The following NAALADL2 variants were observed in gnomAD, a reference collection of about 807,000 sequenced individuals.
The protein encoded by NAALADL2 is N-acetylated alpha-linked acidic dipeptidase like 2.
Under a neutral mutation model 87.2 loss-of-function variants are expected in NAALADL2, and 76 were observed. The observed-to-expected ratio is 0.87, with a 90% CI of 0.72 to 1.05. The LOEUF (loss-of-function observed/expected upper bound fraction) is 1.05, where lower values mean the gene tolerates loss of function less well. Among genes scored for constraint, NAALADL2 ranks in the 50% least tolerant of loss-of-function variants. The pLI is 0.00. For missense variants in NAALADL2, 1,089 were observed against 945.8 expected, an observed-to-expected ratio of 1.15 and a Z score of -1.99; for synonymous variants, 354 against 331.0, an observed-to-expected ratio of 1.07 and a Z score of -0.75.
intron 1 of NAALADL2, among the ~76,000 whole-genome samples, chr3:174,501,546 AG>A: frequency 6.6e-6 from 1 of 152,128 alleles, no homozygotes; most frequent in Non-Finnish European, 1.5e-5. Flanking sequence ...TTGTGGGAAG[AG>A]TTTTAACTAC....
intron 1 of NAALADL2, among the ~76,000 whole-genome samples, chr3:174,895,079 G>GA (rs1239377090): frequency 6.6e-6 from 1 of 151,824 alleles, no homozygotes; most frequent in African/African-American, 2.4e-5. Flanking sequence ...CAAAAAAGAG[G>GA]AAAAACTTTA....
intron 1 of NAALADL2, among the ~76,000 whole-genome samples, chr3:174,449,463 AAT>A (rs1261245223): frequency 1.3e-5 from 2 of 152,204 alleles, no homozygotes; most frequent in Non-Finnish European, 2.9e-5. Flanking sequence ...TTATTTAACC[AAT>A]ATGTCATGAG....
At chr3:175,712,143 T>C (rs1740618351) in intron 11 of NAALADL2, among the ~76,000 whole-genome samples, 2 of 151,954 alleles carry the variant, frequency 1.3e-5, no homozygotes, top group Non-Finnish European at 2.9e-5. Context: ...GATAAGAAGG[T>C]ATAGTTAAGA....
chr3:175,149,502 C>T (rs560197587), intron 2 of NAALADL2, among the ~76,000 whole-genome samples: 4 of 152,044 alleles, frequency 2.6e-5, no homozygotes, highest in Admixed American at 2.6e-4. Context: ...AACTAACCTA[C>T]CACAGTCTAG....
intron 9 of NAALADL2, among the ~76,000 whole-genome samples, chr3:175,548,953 A>G (rs1375257278): frequency 6.6e-6 from 1 of 152,030 alleles, no homozygotes; most frequent in Non-Finnish European, 1.5e-5. Flanking sequence ...TATTATTCCT[A>G]TCACACTCCA....
chr3:175,717,922 G>T (rs1741574229), intron 11 of NAALADL2, among the ~76,000 whole-genome samples: 1 of 149,002 alleles, frequency 6.7e-6, no homozygotes, highest in African/African-American at 2.5e-5. Context: ...AGATTCTGTT[G>T]CCTCAGCCTC....
chr3:174,565,668 C>T (rs1182402313), intron 2 of NAALADL2, among the ~76,000 whole-genome samples: 2 of 151,952 alleles, frequency 1.3e-5, no homozygotes, highest in African/African-American at 4.8e-5. Flanking sequence ...TATGAGTTTT[C>T]AACTCATTTG....
intron 9 of NAALADL2, among the ~76,000 whole-genome samples, chr3:175,499,489 T>C (rs1049794519): frequency 1.1e-4 from 16 of 151,956 alleles, no homozygotes; most frequent in African/African-American, 2.9e-4. Context: ...CTAAGGAATT[T>C]TTTTTTTCTG....
chr3:175,396,645 C>T (rs892411115), intron 5 of NAALADL2, among the ~76,000 whole-genome samples: 1 of 152,096 alleles, frequency 6.6e-6, no homozygotes, highest in African/African-American at 2.4e-5. Context: ...GGCTGTGTCC[C>T]CAACCAAATC....
At chr3:175,442,802 A>C (rs1279812746) in intron 5 of NAALADL2, among the ~76,000 whole-genome samples, 1 of 152,228 alleles carries the variant, frequency 6.6e-6, no homozygotes, top group Non-Finnish European at 1.5e-5. Flanking sequence ...GTCTTTATGA[A>C]GCATAAACAA....
intron 1 of NAALADL2, among the ~76,000 whole-genome samples, chr3:174,527,423 G>GCAC (rs1720866819): frequency 6.6e-6 from 1 of 151,632 alleles, no homozygotes; most frequent in Non-Finnish European, 1.5e-5. Context: ...GGAGGCTGAG[G>GCAC]TAGGAGAATC....
chr3:174,854,907 A>T (rs1432121030), upstream of NAALADL2, among the ~76,000 whole-genome samples: 4 of 136,922 alleles, frequency 2.9e-5, no homozygotes, highest in Admixed American at 2.5e-4. Context: ...GCATGATCTC[A>T]GCTCACTGCA....
Position 174,838,565 on chromosome 3 carries a change from C to A in NAALADL2, c.-9+100819C>A, listed in dbSNP as rs139759080. ...GAGGAAGTCAAACTGTCGCTGTCTG[C>A]TGATAATATGATTGTTTACCTAGAA... On this transcript the variant is annotated intron_variant, in intron 3 of 3. Coordinates refer to the NAALADL2 transcript ENST00000434257. Among the ~76,000 whole-genome samples the A allele has an allele frequency of 3.6e-3, 551 of 152,228 alleles. 3 individuals carry two copies. Among genetic ancestry groups the A allele is most frequent in the Middle Eastern group, 0.02 (6 of 294 alleles).
intron 3 of NAALADL2, among the ~76,000 whole-genome samples, chr3:174,824,854 T>C (rs1721810457): frequency 2.0e-5 from 3 of 152,188 alleles, no homozygotes; most frequent in African/African-American, 4.8e-5. Flanking sequence ...TTATGACATA[T>C]GTAACTCATC....
intron 11 of NAALADL2, among the ~76,000 whole-genome samples, chr3:175,698,494 TATATATATAA>T (rs1277686445): frequency 6.9e-6 from 1 of 144,004 alleles, no homozygotes; most frequent in African/African-American, 2.6e-5. Flanking sequence ...TATATATATA[TATATATATAA>T]AATCTCCAAG....
intron 2 of NAALADL2, among the ~76,000 whole-genome samples, chr3:175,210,723 A>C (rs564880260): frequency 8.6e-5 from 13 of 151,828 alleles, no homozygotes; most frequent in Non-Finnish European, 1.8e-4. Context: ...ACATGACTGT[A>C]CAACTCTACA....
intron 1 of NAALADL2, among the ~76,000 whole-genome samples, chr3:174,940,765 T>A (rs1321562563): frequency 6.6e-6 from 1 of 152,154 alleles, no homozygotes; most frequent in Non-Finnish European, 1.5e-5. Flanking sequence ...GTCCAGGAAT[T>A]TATCCATATC....
At chr3:175,196,532 T>A (rs1739025203) in intron 2 of NAALADL2, among the ~76,000 whole-genome samples, 1 of 151,986 alleles carries the variant, frequency 6.6e-6, no homozygotes, top group Non-Finnish European at 1.5e-5. Context: ...TAAACCATCC[T>A]TAGCTGGCAT....
At chr3:175,199,874 TTTTTTTTTTTTTTTTTTTC>T (rs1739750165) in intron 2 of NAALADL2, among the ~76,000 whole-genome samples, 1 of 35,698 alleles carries the variant, frequency 2.8e-5, no homozygotes, top group African/African-American at 9.4e-5. Flanking sequence ...ATTTTTTTTT[TTTTTTTTTTTTTTTTTTTC>T]CTTAGTCCAT....
Sources: gnomAD v4.1 joint callset for allele counts (sites outside exome capture counted in the v4.1 genomes callset) on GRCh38, gnomAD v4.1.1 for gene constraint, MANE v1.5 for transcripts, NCBI Gene and HGNC (gene_info 2026-07-23, HGNC 2026-07-21) for gene names.